Variants in BNC2 observed in about 807,000 individuals in gnomAD.
BNC2 encodes zinc finger protein basonuclin-2.
In BNC2, 20 loss-of-function variants were observed where a neutral mutation model predicts 76.3. That is an observed-to-expected ratio of 0.26 (90% CI 0.18 to 0.38). The LOEUF (loss-of-function observed/expected upper bound fraction) is 0.38. Among genes scored for constraint, BNC2 ranks in the 10% least tolerant of loss-of-function variants. The probability of loss-of-function intolerance (pLI) is 1.00; values close to 1 mark genes in which losing one functional copy is unlikely to be tolerated. For missense variants in BNC2, 1,382 were observed against 1,399.8 expected, an observed-to-expected ratio of 0.99 and a Z score of 0.20; for synonymous variants, 582 against 514.8, an observed-to-expected ratio of 1.13 and a Z score of -1.77.
intron 3 of BNC2, among the ~76,000 whole-genome samples, chr9:16,593,862 G>T (rs1199103443): frequency 6.6e-6 from 1 of 151,868 alleles, no homozygotes; most frequent in African/African-American, 2.4e-5. Context: ...ATATTTACCA[G>T]AACACCTAAC....
chr9:16,840,905 G>T (rs1388698497), intron 1 of BNC2, among the ~76,000 whole-genome samples: 2 of 152,130 alleles, frequency 1.3e-5, no homozygotes, highest in Non-Finnish European at 2.9e-5. Context: ...ACAATAAACA[G>T]GCCTAACTGT....
intron 1 of BNC2, among the ~76,000 whole-genome samples, chr9:16,868,831 T>G (rs866727716): frequency 6.6e-6 from 1 of 152,168 alleles, no homozygotes; most frequent in Non-Finnish European, 1.5e-5. Flanking sequence ...AAGTAAATGT[T>G]CTGTTAACTT....
intron 1 of BNC2, among the ~76,000 whole-genome samples, chr9:16,743,704 A>G (rs1426312421): frequency 6.6e-6 from 1 of 152,180 alleles, no homozygotes; most frequent in Non-Finnish European, 1.5e-5. Flanking sequence ...AGTTCTGAAA[A>G]TGAAGGTTTG....
intron 5 of BNC2, among the ~76,000 whole-genome samples, chr9:16,473,601 G>T (rs147836174): frequency 9.2e-5 from 14 of 152,130 alleles, no homozygotes; most frequent in Non-Finnish European, 1.6e-4. Context: ...GGGACCGGGC[G>T]TGGTGGCTCA....
intron 5 of BNC2, among the ~76,000 whole-genome samples, chr9:16,459,767 G>C (rs969036811): frequency 8.6e-5 from 13 of 151,962 alleles, no homozygotes; most frequent in African/African-American, 2.9e-4. Flanking sequence ...TGGAAAGTTG[G>C]GGCTTATGCA....
At chr9:16,549,921 G>A (rs376067412) in intron 5 of BNC2, among the ~76,000 whole-genome samples, 5 of 151,734 alleles carry the variant, frequency 3.3e-5, no homozygotes, top group East Asian at 1.9e-4. Flanking sequence ...ATCATCTATC[G>A]TTTTCTCAAA....
At chr9:16,618,026 G>A (rs911288794) in intron 3 of BNC2, among the ~76,000 whole-genome samples, 3 of 152,154 alleles carry the variant, frequency 2.0e-5, no homozygotes, top group Admixed American at 6.5e-5. Flanking sequence ...AAAATGGAGC[G>A]CCACTTTACG....
At chr9:16,868,289 G>A (rs1160315993) in intron 1 of BNC2, 1 of 152,170 alleles carries the variant, frequency 6.6e-6, no homozygotes. Flanking sequence ...AAAATGTTAT[G>A]TAAAGCACTG....
In BNC2 at chr9:16,419,222, G is replaced by A. The variant is rs1587005926; in HGVS notation, c.3067C>T (p.Leu1023Phe). The change falls in exon 7 of 7, where the codon CTT (leucine) becomes TTT (phenylalanine). Residue 1023 changes from leucine (L) to phenylalanine (F), a missense_variant. Around this residue, in one of 3 missense-constraint regions of BNC2, gnomAD observed 798 missense variants for 775.5 expected, o/e 1.03. Transcript: ENST00000380672. The stretch of plus-strand genomic sequence containing the variant: ...CTCCCAGACAAGCTGCTGAACATAA[G>A]AGATCCTGAAACTTCAGCCCCTAGG... ...GSLGAEVSGSLMFSSLSGSNG... is the reference protein window; with the variant it reads ...GSLGAEVSGSFMFSSLSGSNG... The A allele has an allele frequency of 6.2e-7, 1 of 1,614,212 alleles. No individual in the cohort carries two copies. Among genetic ancestry groups the A allele is most frequent in the Non-Finnish European group, 8.5e-7 (1 of 1,180,052 alleles).
intron 5 of BNC2, among the ~76,000 whole-genome samples, chr9:16,496,997 C>T (rs563636335): frequency 2.6e-5 from 4 of 152,362 alleles, no homozygotes; most frequent in East Asian, 3.9e-4. Context: ...ATGCACGATG[C>T]TCTTTTTCTG....
intron 1 of BNC2, among the ~76,000 whole-genome samples, chr9:16,756,687 T>G (rs1038375637): frequency 2.6e-5 from 4 of 152,188 alleles, no homozygotes; most frequent in Non-Finnish European, 5.9e-5. Context: ...CCTTCAGAAA[T>G]GGTTTCTTAA....
chr9:16,691,501 G>GTTTTTTTTTTT (rs1823162064), intron 3 of BNC2, among the ~76,000 whole-genome samples: 4 of 95,286 alleles, frequency 4.2e-5, no homozygotes, highest in African/African-American at 1.7e-4. Flanking sequence ...ATGGGTATGG[G>GTTTTTTTTTTT]TTCTTTTTTT....
intron 5 of BNC2, among the ~76,000 whole-genome samples, chr9:16,445,271 C>T (rs962100938): frequency 1.3e-5 from 2 of 152,160 alleles, no homozygotes; most frequent in African/African-American, 4.8e-5. Context: ...GGAAGATGCA[C>T]CGCTAGCATA....
intron 6 of BNC2, chr9:16,429,825 G>A: frequency 2.2e-6 from 1 of 448,068 alleles, no homozygotes; most frequent in South Asian, 1.6e-5. Flanking sequence ...GAAATGAGTG[G>A]TGCAGTTCTT....
At chr9:16,624,846 T>G (rs969659038) in intron 3 of BNC2, among the ~76,000 whole-genome samples, 1 of 152,218 alleles carries the variant, frequency 6.6e-6, no homozygotes, top group Non-Finnish European at 1.5e-5. Context: ...GAAATGAGAA[T>G]GCACACATGA....
intron 6 of BNC2, chr9:16,421,305 T>C: frequency 7.7e-7 from 1 of 1,294,408 alleles, no homozygotes; most frequent in Non-Finnish European, 1.0e-6. Context: ...GCTAAATCGA[T>C]CACAAAAGAA....
intron 1 of BNC2, among the ~76,000 whole-genome samples, chr9:16,814,760 C>T (rs1275893190): frequency 2.6e-5 from 4 of 152,108 alleles, no homozygotes; most frequent in Non-Finnish European, 4.4e-5. Flanking sequence ...AATGCCACAC[C>T]CACCAAATAT....
intron 5 of BNC2, among the ~76,000 whole-genome samples, chr9:16,481,188 T>C (rs1822047180): frequency 6.6e-6 from 1 of 152,176 alleles, no homozygotes; most frequent in Non-Finnish European, 1.5e-5. Flanking sequence ...TGTGTCTAGC[T>C]CAGGGATTGT....
At chr9:16,473,338 C>T (rs142813475) in intron 5 of BNC2, 190 of 152,154 alleles carry the variant, frequency 1.2e-3, no homozygotes, top group African/African-American at 4.1e-3. Context: ...AGAAACAAAC[C>T]GGAAAGTGCT....
Sources: allele counts gnomAD v4.1 joint callset (sites outside exome capture counted in the v4.1 genomes callset), GRCh38; gene constraint gnomAD v4.1.1; regional missense constraint gnomAD v4.1.1; transcripts MANE v1.5; gene names NCBI Gene and HGNC (gene_info 2026-07-23, HGNC 2026-07-21).